TAS2R1: variants seen among roughly 807,000 people sequenced by gnomAD.
The protein encoded by TAS2R1 is taste receptor type 2 member 1.
For synonymous variants in TAS2R1, 141 were observed against 134.2 expected (o/e 1.05, Z -0.35); for missense variants, 370 against 353.4 (o/e 1.05, Z -0.38).
chr5:9,836,709 C>T, the TAS2R1 span, among the ~76,000 whole-genome samples: 11 of 152,126 alleles, frequency 7.2e-5, no homozygotes, highest in Non-Finnish European at 1.2e-4. Context: ...TAGTGATAAC[C>T]GTTCCATAAA....
chr5:9,722,638 A>T, the TAS2R1 span, among the ~76,000 whole-genome samples: 1 of 152,232 alleles, frequency 6.6e-6, no homozygotes, highest in African/African-American at 2.4e-5. Flanking sequence ...TTTTACTTGT[A>T]TTCAGTAGCT....
chr5:9,783,199 G>T, the TAS2R1 span, among the ~76,000 whole-genome samples: 1 of 152,146 alleles, frequency 6.6e-6, no homozygotes, highest in Admixed American at 6.5e-5. Flanking sequence ...TTACCTAAAA[G>T]AATCATTACA....
At chr5:9,650,603 T>C (rs1333831078) in intron 2 of TAS2R1, among the ~76,000 whole-genome samples, 1 of 152,200 alleles carries the variant, frequency 6.6e-6, no homozygotes, top group Non-Finnish European at 1.5e-5. Flanking sequence ...AAGTCTAACA[T>C]ACTTAGAACA....
the TAS2R1 span, among the ~76,000 whole-genome samples, chr5:9,893,300 G>A: frequency 1.3e-5 from 2 of 150,904 alleles, no homozygotes; most frequent in Non-Finnish European, 1.5e-5. Flanking sequence ...CACCTCCCGT[G>A]GCCGGGCTTT....
the TAS2R1 span, among the ~76,000 whole-genome samples, chr5:9,879,324 T>C: frequency 2.0e-3 from 302 of 152,360 alleles, 2 homozygotes; most frequent in African/African-American, 7.1e-3. Context: ...GATCTCCTTC[T>C]TCAGTTTCTC....
chr5:9,873,622 T>G, the TAS2R1 span, among the ~76,000 whole-genome samples: 1 of 151,592 alleles, frequency 6.6e-6, no homozygotes, highest in Non-Finnish European at 1.5e-5. Context: ...ATCCTAGCAC[T>G]TTGGGAGGCC....
At chr5:9,834,088 C>T in the TAS2R1 span, among the ~76,000 whole-genome samples, 2 of 152,314 alleles carry the variant, frequency 1.3e-5, no homozygotes, top group East Asian at 3.9e-4. Flanking sequence ...CCACATCCCC[C>T]TTCCAGGCCC....
chr5:9,775,541 T>C, the TAS2R1 span, among the ~76,000 whole-genome samples: 1 of 152,172 alleles, frequency 6.6e-6, no homozygotes, highest in African/African-American at 2.4e-5. Flanking sequence ...TGCTGAGTCA[T>C]ATCTGAAGCC....
At chr5:9,730,542 C>T in the TAS2R1 span, among the ~76,000 whole-genome samples, 13 of 152,282 alleles carry the variant, frequency 8.5e-5, no homozygotes, top group African/African-American at 3.1e-4. Flanking sequence ...TCGCATGTCC[C>T]AGAGCACCCA....
At chr5:9,762,866 T>C in the TAS2R1 span, among the ~76,000 whole-genome samples, 1 of 152,174 alleles carries the variant, frequency 6.6e-6, no homozygotes, top group African/African-American at 2.4e-5. Flanking sequence ...TTTGCCTAAA[T>C]TGGAAACAGA....
the TAS2R1 span, among the ~76,000 whole-genome samples, chr5:9,763,338 C>A: frequency 6.6e-6 from 1 of 151,922 alleles, no homozygotes; most frequent in Non-Finnish European, 1.5e-5. Flanking sequence ...CTCCATCTCT[C>A]CCAAAAATAC....
At chr5:9,892,203 G>C in the TAS2R1 span, among the ~76,000 whole-genome samples, 1 of 152,136 alleles carries the variant, frequency 6.6e-6, no homozygotes, top group Non-Finnish European at 1.5e-5. Flanking sequence ...CTCTTGCCTA[G>C]ATATCAAAGC....
the TAS2R1 span, among the ~76,000 whole-genome samples, chr5:9,769,420 T>C: frequency 1.3e-5 from 2 of 152,324 alleles, no homozygotes; most frequent in South Asian, 4.1e-4. Context: ...TTCTTTGGGG[T>C]ATATACCTAG....
At chr5:9,845,568 G>A in the TAS2R1 span, among the ~76,000 whole-genome samples, 1 of 152,192 alleles carries the variant, frequency 6.6e-6, no homozygotes, top group African/African-American at 2.4e-5. Flanking sequence ...TGCCAAGTAT[G>A]GTGCATTAAT....
chr5:9,841,740 T>C, the TAS2R1 span, among the ~76,000 whole-genome samples: 749 of 152,298 alleles, frequency 4.9e-3, 7 homozygotes, highest in African/African-American at 0.017. Flanking sequence ...ACTGTGTTTG[T>C]AGTCAGTAAT....
intron 1 of TAS2R1, among the ~76,000 whole-genome samples, chr5:9,673,694 T>C (rs1229973948): frequency 6.6e-6 from 1 of 151,936 alleles, no homozygotes; most frequent in Non-Finnish European, 1.5e-5. Flanking sequence ...AAGTTTAGCG[T>C]TACCAGAGGT....
the TAS2R1 span, among the ~76,000 whole-genome samples, chr5:9,822,210 G>C: frequency 6.6e-6 from 1 of 151,988 alleles, no homozygotes; most frequent in East Asian, 1.9e-4. Context: ...TCAATTTTCT[G>C]ATACTGATTA....
the TAS2R1 span, among the ~76,000 whole-genome samples, chr5:9,832,696 TG>T: frequency 3.4e-3 from 512 of 152,310 alleles, 2 homozygotes; most frequent in African/African-American, 0.012. Flanking sequence ...CAAACTTTGG[TG>T]TAAGATTAAT....
At chr5:9,842,408 C>T in the TAS2R1 span, among the ~76,000 whole-genome samples, 10 of 150,500 alleles carry the variant, frequency 6.6e-5, no homozygotes, top group African/African-American at 2.0e-4. Flanking sequence ...GCAACCTCCA[C>T]CTCCCAGGTT....
Sources: allele counts gnomAD v4.1 joint callset (sites outside exome capture counted in the v4.1 genomes callset), GRCh38; gene constraint gnomAD v4.1.1; transcripts MANE v1.5; gene names NCBI Gene and HGNC (gene_info 2026-07-23, HGNC 2026-07-21).